ZC4H2: variants seen among roughly 807,000 people sequenced by gnomAD.
The protein encoded by ZC4H2 is zinc finger C4H2-type containing.
For synonymous variants in ZC4H2, 84 were observed against 66.3 expected (o/e 1.27, Z -1.30); for missense variants, 137 against 173.9 (o/e 0.79, Z 1.19).
intron 1 of ZC4H2, among the ~76,000 whole-genome samples, chrX:65,018,476 C>T (rs1932812303): frequency 8.9e-6 from 1 of 111,970 alleles, no homozygotes; most frequent in East Asian, 2.8e-4. Context: ...GAGACTGTAC[C>T]TTGAGGAATG....
chrX:64,929,493 T>A (rs886179421), intron 1 of ZC4H2, among the ~76,000 whole-genome samples: 1 of 111,886 alleles, frequency 8.9e-6, no homozygotes, highest in African/African-American at 3.2e-5. Context: ...ATTTTTATAG[T>A]TTCAGTTCTT....
chrX:65,020,555 A>G lies in ZC4H2; in HGVS notation c.-272+14074T>C, dbSNP rs186386566. Among the ~76,000 whole-genome samples, 257 of 112,345 alleles carry G rather than the reference A, an allele frequency of 2.3e-3. 3 individuals carry two copies. The highest frequency in any genetic ancestry group is 7.1e-3 in the African/African-American group (219 of 30,948). On this transcript the variant is annotated intron_variant, in intron 1 of 4. Transcript: ENST00000337990. Reference sequence around the variant, plus strand: ...AAGAAAGCAATAAACATGGAAAGGAACAACCAAAACCAGCCACTGCAAAAA... The same window carrying G: ...AAGAAAGCAATAAACATGGAAAGGAGCAACCAAAACCAGCCACTGCAAAAA...
At chrX:64,940,660 T>G (rs1190607427) in intron 1 of ZC4H2, among the ~76,000 whole-genome samples, 1 of 111,690 alleles carries the variant, frequency 9.0e-6, no homozygotes, top group African/African-American at 3.3e-5. Context: ...GGGGAATCCT[T>G]TCCCCATTGC....
intron 1 of ZC4H2, among the ~76,000 whole-genome samples, chrX:65,019,030 C>T (rs1286671878): frequency 8.9e-6 from 1 of 111,853 alleles, no homozygotes; most frequent in Non-Finnish European, 1.9e-5. Flanking sequence ...AGGCAGCAGC[C>T]CCAGTCAGGG....
chrX:64,952,224 T>A (rs1602412713), intron 1 of ZC4H2, among the ~76,000 whole-genome samples: 1 of 110,265 alleles, frequency 9.1e-6, no homozygotes, highest in Non-Finnish European at 1.9e-5. Flanking sequence ...TAGTTTGAAG[T>A]CAGGTAGTGT....
chrX:64,928,639 C>A (rs966124649), intron 1 of ZC4H2, among the ~76,000 whole-genome samples: 1 of 65,599 alleles, frequency 1.5e-5, no homozygotes, highest in Non-Finnish European at 3.5e-5. Context: ...TCTCCTTCTT[C>A]TTCTTCTTCT....
intron 1 of ZC4H2, among the ~76,000 whole-genome samples, chrX:64,937,261 A>G (rs757174714): frequency 2.7e-5 from 3 of 111,390 alleles, no homozygotes; most frequent in Non-Finnish European, 3.8e-5. Context: ...TATGCACCCA[A>G]TACAGGAACA....
chrX:64,927,448 A>G (rs1460115599), intron 1 of ZC4H2, among the ~76,000 whole-genome samples: 1 of 111,733 alleles, frequency 8.9e-6, no homozygotes, highest in Non-Finnish European at 1.9e-5. Context: ...ATGTCCCTGC[A>G]AAGGACATAA....
chrX:64,932,879 A>G (rs1929821804), intron 1 of ZC4H2, among the ~76,000 whole-genome samples: 1 of 111,292 alleles, frequency 9.0e-6, no homozygotes, highest in Non-Finnish European at 1.9e-5. Context: ...AGTTCTTTTG[A>G]CTTCTTCAGT....
chrX:64,980,591 G>A (rs193176509), upstream of ZC4H2, among the ~76,000 whole-genome samples: 123 of 112,252 alleles, frequency 1.1e-3, 1 homozygote, highest in Middle Eastern at 4.6e-3. Context: ...ATAGTGCTTT[G>A]CATGTATTAA....
At chrX:64,932,701 G>A (rs1929813392) in intron 1 of ZC4H2, among the ~76,000 whole-genome samples, 1 of 111,671 alleles carries the variant, frequency 9.0e-6, no homozygotes, top group Non-Finnish European at 1.9e-5. Flanking sequence ...AATCCCTTCT[G>A]ACTTGTAAAG....
chrX:64,972,505 G>C (rs998102132), intron 1 of ZC4H2, among the ~76,000 whole-genome samples: 1 of 112,001 alleles, frequency 8.9e-6, no homozygotes, highest in South Asian at 3.7e-4. Context: ...GGAGATTTAG[G>C]ATTATAGCAG....
At chrX:64,979,843 A>G (rs1932049183), upstream of ZC4H2, among the ~76,000 whole-genome samples, 1 of 111,994 alleles carries the variant, frequency 8.9e-6, no homozygotes, top group Admixed American at 9.4e-5. Context: ...TATCAGGGCC[A>G]ACATTATTCT....
rs775940836 is a variant in ZC4H2, at chrX:65,002,497, C to T, written c.-272+32132G>A. On this transcript the variant is annotated intron_variant, in intron 1 of 4. Coordinates refer to the ZC4H2 transcript ENST00000337990. Reference sequence around the variant, plus strand: ...CCGGGAGGTGGGGGGCACCTCTGCCCGGCCGCCCCTTCTGGGAAGTGAGGA... The same window carrying T: ...CCGGGAGGTGGGGGGCACCTCTGCCTGGCCGCCCCTTCTGGGAAGTGAGGA... Among the ~76,000 whole-genome samples, 378 of 110,375 alleles carry T rather than the reference C, an allele frequency of 3.4e-3. 4 individuals carry two copies. Among genetic ancestry groups the T allele is most frequent in the African/African-American group, 0.012 (357 of 30,507 alleles).
chrX:64,982,296 G>C (rs1158617180), intron 1 of ZC4H2, among the ~76,000 whole-genome samples: 2 of 111,920 alleles, frequency 1.8e-5, no homozygotes, highest in African/African-American at 6.5e-5. Flanking sequence ...TTCCAAAAGG[G>C]CTGAGTCTTA....
rs760104457 is a variant in ZC4H2, at chrX:64,920,092, C to A, written c.387G>T (p.Lys129Asn). Residue 129 changes from lysine (K) to asparagine (N), a missense_variant, in exon 3 of 5, where the codon AAG becomes AAT. By Grantham distance (94) the Lys-to-Asn change is moderately conservative. Transcript: ENST00000374839. ...GGCAGGTAGCTTACTCCAAGGAAAGCTTCTCCTCTTCTTCACACAAGTCAG... is the reference window on the plus strand; with the variant it reads ...GGCAGGTAGCTTACTCCAAGGAAAGATTCTCCTCTTCTTCACACAAGTCAG... ...RLPDLCEEEE[K>N]LSLDYFEKQK... The A allele has an allele frequency of 8.3e-7, 1 of 1,209,394 alleles. No individual in the cohort carries two copies. The highest frequency in any genetic ancestry group is 1.8e-5 in the South Asian group (1 of 56,337).
intron 1 of ZC4H2, among the ~76,000 whole-genome samples, chrX:64,991,197 T>G (rs1293032556): frequency 8.9e-6 from 1 of 111,797 alleles, no homozygotes; most frequent in Non-Finnish European, 1.9e-5. Flanking sequence ...AATATTCATT[T>G]TAAATCTCCC....
chrX:64,992,755 G>T (rs1429491976), intron 1 of ZC4H2, among the ~76,000 whole-genome samples: 2 of 111,228 alleles, frequency 1.8e-5, no homozygotes, highest in East Asian at 5.7e-4. Flanking sequence ...CACATACCAA[G>T]CACTATCAAG....
At chrX:64,957,694 T>C (rs186740447) in intron 1 of ZC4H2, among the ~76,000 whole-genome samples, 1 of 108,669 alleles carries the variant, frequency 9.2e-6, no homozygotes, top group East Asian at 2.9e-4. Context: ...ACCCTATCTC[T>C]ATTAAAAAAA....
Sources: gnomAD v4.1 joint callset for allele counts (sites outside exome capture counted in the v4.1 genomes callset) on GRCh38, gnomAD v4.1.1 for gene constraint, MANE v1.5 for transcripts, NCBI Gene and HGNC (gene_info 2026-07-23, HGNC 2026-07-21) for gene names.